Variants in PCDHA2 observed in about 807,000 individuals in gnomAD.
The protein encoded by PCDHA2 is protocadherin alpha-2.
In PCDHA2, 58 loss-of-function variants were observed where a neutral mutation model predicts 66.0. That is an observed-to-expected ratio of 0.88 (90% CI 0.71 to 1.09). The LOEUF (loss-of-function observed/expected upper bound fraction) is 1.09. Ranked by LOEUF, PCDHA2 falls within the 50% of genes least tolerant of loss-of-function variation. The probability of loss-of-function intolerance (pLI) is 0.00; values close to 1 mark genes in which losing one functional copy is unlikely to be tolerated. For synonymous variants in PCDHA2, 634 were observed against 554.0 expected (o/e 1.14, Z -2.03); for missense variants, 1,267 against 1,242.3 (o/e 1.02, Z -0.30).
At chr5:140,848,899 C>T (rs1223339539) in intron 1 of PCDHA2, 1 of 1,605,974 alleles carries the variant, frequency 6.2e-7, no homozygotes, top group Admixed American at 1.7e-5. Context: ...GTGTTCCCAG[C>T]GACACAAAAG....
At chr5:140,801,974 C>A (rs184163664) in intron 1 of PCDHA2, 4 of 1,614,146 alleles carry the variant, frequency 2.5e-6, no homozygotes, top group Non-Finnish European at 3.4e-6. Flanking sequence ...CAAATGGTAC[C>A]CTAGTGGTGA....
rs545409584 is a variant in PCDHA2, at chr5:140,952,105, G to A, written c.2389-26844G>A. 3.3e-5 allele frequency among the ~76,000 whole-genome samples: 5 copies of A among 152,218 alleles called. 1 individual carries two copies. Among genetic ancestry groups the A allele is most frequent in the African/African-American group, 4.8e-5 (2 of 41,536 alleles). ...CATGTCTCACATCCAGGGCACACTC[G>A]TGTGAGGGATGGGCTCCCAAGGCCT... is the stretch of plus-strand genomic sequence containing the variant. On this transcript the variant is annotated intron_variant, in intron 1 of 3. Coordinates refer to ENST00000526136, the MANE Select transcript of PCDHA2 (RefSeq NM_018905.3).
intron 1 of PCDHA2, among the ~76,000 whole-genome samples, chr5:140,905,490 T>C (rs1256863992): frequency 1.3e-5 from 2 of 152,224 alleles, no homozygotes; most frequent in African/African-American, 4.8e-5. Context: ...TTTCTTCTTT[T>C]TGTTTTGTAT....
intron 1 of PCDHA2, chr5:140,802,032 T>C (rs1554121833): frequency 6.2e-7 from 1 of 1,614,204 alleles, no homozygotes; most frequent in Admixed American, 1.7e-5. Context: ...GGATATCGCG[T>C]ATTCTTTCAA....
At chr5:140,822,545 G>A in intron 1 of PCDHA2, 1 of 1,613,682 alleles carries the variant, frequency 6.2e-7, no homozygotes. Context: ...GCACCAAGTG[G>A]GACATTAGTT....
At chr5:140,833,391 C>T (rs139841955) in intron 1 of PCDHA2, among the ~76,000 whole-genome samples, 1 of 152,258 alleles carries the variant, frequency 6.6e-6, no homozygotes, top group Non-Finnish European at 1.5e-5. Flanking sequence ...TGAAATACCT[C>T]AAGACTTGAT....
chr5:140,941,259 T>G (rs368206632), intron 1 of PCDHA2, among the ~76,000 whole-genome samples: 1 of 121,734 alleles, frequency 8.2e-6, no homozygotes, highest in Non-Finnish European at 1.8e-5. Flanking sequence ...TTCTTTCTCT[T>G]TCTTTCTTTC....
Position 140,974,355 on chromosome 5 carries a change from C to T in PCDHA2, c.2389-4594C>T, listed in dbSNP as rs113314336. Among the ~76,000 whole-genome samples the T allele has an allele frequency of 6.8e-3, 1,038 of 152,272 alleles. 15 individuals are homozygous for T. The highest frequency in any genetic ancestry group is 0.024 in the African/African-American group (1,003 of 41,550). ...AGCAGGCTATGCATCCAGAACTAAA[C>T]AGACCTAGCACTTTCTGTTGTACTG... is the stretch of plus-strand genomic sequence containing the variant. On this transcript the variant is annotated intron_variant, in intron 1 of 3. Transcript: ENST00000526136.
At chr5:140,844,885 T>C (rs1288231752) in intron 1 of PCDHA2, among the ~76,000 whole-genome samples, 1 of 149,522 alleles carries the variant, frequency 6.7e-6, no homozygotes, top group Non-Finnish European at 1.5e-5. Flanking sequence ...TTAGACTTCG[T>C]GCATATTGCT....
intron 3 of PCDHA2, among the ~76,000 whole-genome samples, chr5:140,994,387 C>T (rs192635308): frequency 1.3e-5 from 2 of 152,174 alleles, no homozygotes; most frequent in East Asian, 1.9e-4. Context: ...GGGACTAAGT[C>T]AGAGATTATT....
chr5:140,815,478 C>A (rs1276711473), intron 1 of PCDHA2: 2 of 152,012 alleles, frequency 1.3e-5, no homozygotes, highest in African/African-American at 4.8e-5. Flanking sequence ...TTACTTCTCC[C>A]CTACCCAAAT....
intron 1 of PCDHA2, among the ~76,000 whole-genome samples, chr5:140,911,635 G>A (rs906127782): frequency 2.0e-5 from 3 of 152,148 alleles, no homozygotes; most frequent in African/African-American, 7.2e-5. Flanking sequence ...ATGGTCAAAG[G>A]TATTACATAT....
At chr5:140,871,299 G>C (rs782459625) in intron 1 of PCDHA2, 1 of 1,613,916 alleles carries the variant, frequency 6.2e-7, no homozygotes, top group Non-Finnish European at 8.5e-7. Context: ...GCGCGTGCGC[G>C]CCGGGGAAGC....
At chr5:140,797,596 C>T (rs1266922225) in intron 1 of PCDHA2, 1 of 529,758 alleles carries the variant, frequency 1.9e-6, no homozygotes, top group Non-Finnish European at 3.3e-6. Flanking sequence ...AAGTAATAGA[C>T]CATGAAACAC....
intron 1 of PCDHA2, among the ~76,000 whole-genome samples, chr5:140,886,721 G>A (rs2061104522): frequency 6.6e-6 from 1 of 151,592 alleles, no homozygotes; most frequent in Non-Finnish European, 1.5e-5. Context: ...AGCTACTTGG[G>A]AGGCTGAAGC....
chr5:140,853,510 A>C (rs2042773943), intron 1 of PCDHA2: 2 of 977,306 alleles, frequency 2.0e-6, no homozygotes, highest in African/African-American at 1.8e-5. Context: ...TGAAACAATA[A>C]TGAAGCTCCT....
intron 1 of PCDHA2, chr5:140,851,223 A>G (rs1230955113): frequency 8.7e-7 from 1 of 1,147,336 alleles, no homozygotes; most frequent in Non-Finnish European, 1.1e-6. Flanking sequence ...TAACATCACT[A>G]TCATTTATTT....
rs1405025133 is a variant in PCDHA2, at chr5:140,828,918, C to A, written c.2388+31566C>A. The A allele has an allele frequency of 5.6e-6, 9 of 1,614,104 alleles. 1 individual carries two copies. The highest frequency in any genetic ancestry group is 7.6e-6 in the Non-Finnish European group (9 of 1,180,046). On this transcript the variant is annotated intron_variant, in intron 1 of 3. Transcript: ENST00000526136. ...GATCGGGATGAAGGAGCGAATGGGG[C>A]AATTTCATATTCTTTTAATAGCCTT... is the stretch of plus-strand genomic sequence containing the variant.
chr5:140,838,756 G>A (rs1775869518), intron 1 of PCDHA2, among the ~76,000 whole-genome samples: 1 of 151,874 alleles, frequency 6.6e-6, no homozygotes, highest in Non-Finnish European at 1.5e-5. Context: ...TGCATCTTTT[G>A]TAGAGACTTT....
Sources: gnomAD v4.1 joint callset for allele counts (sites outside exome capture counted in the v4.1 genomes callset) on GRCh38, gnomAD v4.1.1 for gene constraint, MANE v1.5 for transcripts, NCBI Gene and HGNC (gene_info 2026-07-23, HGNC 2026-07-21) for gene names.